The following SPMIP2 variants were observed in gnomAD, a reference collection of about 807,000 sequenced individuals.
SPMIP2 encodes protein SPMIP2.
chr4:158,957,079 G>A, the SPMIP2 span, among the ~76,000 whole-genome samples: 19 of 151,722 alleles, frequency 1.3e-4, no homozygotes, highest in African/African-American at 3.9e-4. Context: ...TTACAGGTGT[G>A]AGCCACCAAG....
the SPMIP2 span, among the ~76,000 whole-genome samples, chr4:158,934,442 A>T: frequency 0.7 from 106,812 of 152,020 alleles, 37,755 homozygotes; most frequent in East Asian, 0.9. Flanking sequence ...AGCGTGGGTG[A>T]CAGAGCCAGA....
the SPMIP2 span, among the ~76,000 whole-genome samples, chr4:158,939,140 T>C: frequency 4.9e-4 from 74 of 152,304 alleles, no homozygotes; most frequent in African/African-American, 1.8e-3. Flanking sequence ...TGTGAGCTGA[T>C]CGGTAGCAAT....
the SPMIP2 span, among the ~76,000 whole-genome samples, chr4:158,938,724 C>A: frequency 6.6e-6 from 1 of 152,316 alleles, no homozygotes. Context: ...CTGGGCAGAA[C>A]AACATACTGC....
At chr4:158,941,297 T>C in the SPMIP2 span, among the ~76,000 whole-genome samples, 4 of 152,294 alleles carry the variant, frequency 2.6e-5, no homozygotes. Flanking sequence ...ATATGATTGA[T>C]CATTTATCCC....
At chr4:158,981,260 G>A in the SPMIP2 span, among the ~76,000 whole-genome samples, 11 of 152,154 alleles carry the variant, frequency 7.2e-5, no homozygotes, top group South Asian at 2.1e-4. Flanking sequence ...AGGGAGAATG[G>A]AACCAAGTTG....
At chr4:158,976,666 T>TTG in the SPMIP2 span, among the ~76,000 whole-genome samples, 2 of 91,312 alleles carry the variant, frequency 2.2e-5, no homozygotes, top group Non-Finnish European at 4.9e-5. Flanking sequence ...AGCATTTTTT[T>TTG]TTTTTTTTTT....
chr4:158,952,331 T>A, the SPMIP2 span, among the ~76,000 whole-genome samples: 1 of 152,128 alleles, frequency 6.6e-6, no homozygotes, highest in African/African-American at 2.4e-5. Flanking sequence ...CAGTGGGAGA[T>A]TATTTGAATC....
the SPMIP2 span, among the ~76,000 whole-genome samples, chr4:159,011,888 C>T: frequency 6.6e-6 from 1 of 151,630 alleles, no homozygotes; most frequent in Non-Finnish European, 1.5e-5. Context: ...GGTGAAACCC[C>T]GTCTCTACTA....
the SPMIP2 span, among the ~76,000 whole-genome samples, chr4:158,930,230 T>C: frequency 1.2e-5 from 1 of 84,540 alleles, no homozygotes; most frequent in Non-Finnish European, 2.2e-5. Flanking sequence ...TCGCTCTGAG[T>C]TGAAAGAGTC....
the SPMIP2 span, among the ~76,000 whole-genome samples, chr4:159,071,254 T>C: frequency 2.0e-5 from 3 of 152,168 alleles, no homozygotes; most frequent in Admixed American, 6.5e-5. Context: ...TTGGCAGTAG[T>C]TGTTGTTAGA....
chr4:159,082,467 G>GTGTGTA, the SPMIP2 span, among the ~76,000 whole-genome samples: 5,211 of 149,342 alleles, frequency 0.035, 218 homozygotes, highest in African/African-American at 0.09. Flanking sequence ...GTGTGTGTGT[G>GTGTGTA]TGTGTGTGTG....
chr4:158,962,050 G>T, the SPMIP2 span, among the ~76,000 whole-genome samples: 23 of 151,884 alleles, frequency 1.5e-4, no homozygotes, highest in Non-Finnish European at 2.8e-4. Flanking sequence ...ACTCCAATTT[G>T]GATATTTCCT....
the SPMIP2 span, among the ~76,000 whole-genome samples, chr4:158,920,614 C>T: frequency 4.6e-5 from 7 of 152,184 alleles, no homozygotes; most frequent in African/African-American, 9.7e-5. Context: ...GAAAAAACTC[C>T]GCCCTGGTAA....
chr4:158,946,205 T>C, the SPMIP2 span, among the ~76,000 whole-genome samples: 3 of 152,218 alleles, frequency 2.0e-5, no homozygotes, highest in South Asian at 4.1e-4. Context: ...TGGCATCAAG[T>C]AATAGATTAG....
chr4:158,904,388 T>G, the SPMIP2 span: 1 of 1,308,300 alleles, frequency 7.6e-7, no homozygotes, highest in Non-Finnish European at 1.1e-6. Flanking sequence ...AATAATACTT[T>G]CTCATAAAAA....
the SPMIP2 span, among the ~76,000 whole-genome samples, chr4:159,005,398 C>T: frequency 1.3e-5 from 2 of 152,068 alleles, no homozygotes; most frequent in Admixed American, 6.6e-5. Context: ...GAGCCGAGAT[C>T]ACGCCATTGC....
the SPMIP2 span, among the ~76,000 whole-genome samples, chr4:158,911,241 A>C: frequency 2.6e-5 from 4 of 152,040 alleles, no homozygotes; most frequent in Non-Finnish European, 5.9e-5. Context: ...CCAGCTACTC[A>C]GGAGGCTGAG....
chr4:159,080,728 G>A, the SPMIP2 span, among the ~76,000 whole-genome samples: 1 of 108,334 alleles, frequency 9.2e-6, no homozygotes, highest in Non-Finnish European at 2.0e-5. Context: ...GGTGTGAAGT[G>A]TAATTTGTTT....
chr4:158,919,235 A>G, the SPMIP2 span, among the ~76,000 whole-genome samples: 9 of 152,338 alleles, frequency 5.9e-5, no homozygotes, highest in East Asian at 1.5e-3. Context: ...TAACGTTTTT[A>G]TATTACTACC....
Sources: gnomAD v4.1 joint callset for allele counts (sites outside exome capture counted in the v4.1 genomes callset) on GRCh38, gnomAD v4.1.1 for gene constraint, MANE v1.5 for transcripts, NCBI Gene and HGNC (gene_info 2026-07-23, HGNC 2026-07-21) for gene names.